ABCG2: variants seen among roughly 807,000 people sequenced by gnomAD.
ABCG2 encodes the protein ATP binding cassette subfamily G member 2 (JR blood group).
Under a neutral mutation model 73.5 loss-of-function variants are expected in ABCG2, and 80 were observed. The ratio of observed to expected loss-of-function variants is 1.09; its 90% CI spans 0.91 to 1.31. The LOEUF (loss-of-function observed/expected upper bound fraction) is 1.31, where lower values mean the gene tolerates loss of function less well. Ranked by LOEUF, ABCG2 falls within the 50% of genes most tolerant of loss-of-function variation. The pLI is 0.00. For missense variants in ABCG2, 796 were observed against 786.2 expected, an observed-to-expected ratio of 1.01 and a Z score of -0.15; for synonymous variants, 269 against 282.4, an observed-to-expected ratio of 0.95 and a Z score of 0.48.
intron 1 of ABCG2, among the ~76,000 whole-genome samples, chr4:88,193,136 C>T (rs988256208): frequency 5.9e-5 from 9 of 152,110 alleles, no homozygotes; most frequent in East Asian, 1.9e-4. Context: ...TGCCTTCTCA[C>T]GTACTATATA....
chr4:88,148,479 T>G (rs74430151), intron 1 of ABCG2, among the ~76,000 whole-genome samples: 7,260 of 152,156 alleles, frequency 0.048, 219 homozygotes, highest in Middle Eastern at 0.068. Flanking sequence ...GCAGCGTGCC[T>G]GATCAGGAGC....
At chr4:88,156,667 A>G (rs1329037808) in intron 1 of ABCG2, among the ~76,000 whole-genome samples, 2 of 152,024 alleles carry the variant, frequency 1.3e-5, no homozygotes, top group African/African-American at 2.4e-5. Flanking sequence ...AACCATTAGG[A>G]AAAAAAACCC....
rs1354460353 is a variant in ABCG2, at chr4:88,121,696, C to T, written c.628G>A (p.Asp210Asn). ...LITDPSILFL[D>N]EPTTGLDSST... ...GAGTCTAAGCCAGTTGTAGGCTCATCCAAGAACAAGATGGAAGGATCAGTG... is the reference window on the plus strand; with the variant it reads ...GAGTCTAAGCCAGTTGTAGGCTCATTCAAGAACAAGATGGAAGGATCAGTG... Residue 210 changes from aspartate to asparagine, a missense_variant, in exon 6 of 16, where the codon GAT (aspartate) becomes AAT (asparagine). Physicochemically the swap from Asp to Asn is conservative, Grantham distance 23. Coordinates refer to ENST00000237612, the MANE Select transcript of ABCG2 (RefSeq NM_004827.3). The T allele has an allele frequency of 2.5e-6, 4 of 1,613,982 alleles. No individual in the cohort carries two copies. The East Asian group carries it at 8.9e-5, about 36-fold the overall frequency.
intron 1 of ABCG2, among the ~76,000 whole-genome samples, chr4:88,202,028 A>G (rs983120375): frequency 2.0e-5 from 3 of 151,980 alleles, no homozygotes; most frequent in Non-Finnish European, 4.4e-5. Flanking sequence ...AAGCTCCCCA[A>G]GCAATTTAAA....
At chr4:88,157,709 T>C (rs1727042846) in intron 1 of ABCG2, among the ~76,000 whole-genome samples, 1 of 152,246 alleles carries the variant, frequency 6.6e-6, no homozygotes, top group African/African-American at 2.4e-5. Flanking sequence ...GTCAAAGCTG[T>C]ACTCTGAAAG....
intron 1 of ABCG2, among the ~76,000 whole-genome samples, chr4:88,216,755 C>T (rs1195489183): frequency 6.6e-6 from 1 of 152,116 alleles, no homozygotes; most frequent in Admixed American, 6.6e-5. Flanking sequence ...TGTGTCCAAG[C>T]GCAGTGGTTC....
At chr4:88,119,533 T>C (rs1263254601) in intron 6 of ABCG2, among the ~76,000 whole-genome samples, 1 of 152,212 alleles carries the variant, frequency 6.6e-6, no homozygotes, top group Non-Finnish European at 1.5e-5. Flanking sequence ...GACAGTGATA[T>C]GGACAATGAA....
chr4:88,200,220 TG>T (rs533720343), intron 1 of ABCG2, among the ~76,000 whole-genome samples: 1 of 151,894 alleles, frequency 6.6e-6, no homozygotes, highest in Non-Finnish European at 1.5e-5. Flanking sequence ...CCCAGCTACT[TG>T]GGGGGCTGAG....
intron 9 of ABCG2, among the ~76,000 whole-genome samples, chr4:88,113,080 C>T (rs375325620): frequency 2.5e-4 from 38 of 152,154 alleles, no homozygotes; most frequent in African/African-American, 9.2e-4. Context: ...CACCACACTC[C>T]AGCCTGGGCA....
At chr4:88,132,551 C>T in intron 3 of ABCG2, 25 bp downstream of exon 3, 1 of 1,613,178 alleles carries the variant, frequency 6.2e-7, no homozygotes. Context: ...ACAGAAAACG[C>T]TTACTTATAC....
chr4:88,172,561 G>C (rs7673953), intron 1 of ABCG2, among the ~76,000 whole-genome samples: 1 of 145,232 alleles, frequency 6.9e-6, no homozygotes, highest in Admixed American at 7.1e-5. Context: ...CTGGGAGACA[G>C]AGCAAGACTC....
rs1729758573 is a variant in ABCG2, at chr4:88,215,023, T to TTGAGGTTTC, written c.-20+15962_-20+15970dup. Among the ~76,000 whole-genome samples the TTGAGGTTTC allele has an allele frequency of 4.6e-5, 7 of 152,232 alleles. 1 individual carries two copies. In the South Asian group the frequency reaches 1.4e-3, roughly 32 times the overall value. ...AGGAGGATCACTTGAGCCCAGGACGTTGAGGTTTCAGTGAGCCATAATTAT... is the reference window on the plus strand; with the variant it reads ...AGGAGGATCACTTGAGCCCAGGACGTTGAGGTTTCTGAGGTTTCAGTGAGCCATAATTAT... On this transcript the variant is annotated intron_variant, in intron 1 of 15. Coordinates refer to the ABCG2 transcript ENST00000515655.
intron 9 of ABCG2, among the ~76,000 whole-genome samples, chr4:88,113,007 G>C (rs1723244431): frequency 6.6e-6 from 1 of 152,118 alleles, no homozygotes; most frequent in Non-Finnish European, 1.5e-5. Context: ...CTATTCAAGA[G>C]GCTGAGGTGT....
chr4:88,118,036 C>T lies in ABCG2; in HGVS notation c.841+73G>A, dbSNP rs1723711955. ...TCTACCCAAAGACCAAACAGCACTC[C>T]TGCAGACCCCCTTTGCTCTCCTTCA... is the stretch of plus-strand genomic sequence containing the variant. On this transcript the variant is annotated intron_variant, in intron 7 of 15. Coordinates refer to ENST00000237612, the MANE Select transcript of ABCG2 (RefSeq NM_004827.3). 4 of 1,480,642 alleles carry T rather than the reference C, an allele frequency of 2.7e-6. No homozygotes were observed. In the East Asian group the frequency reaches 7.0e-5, roughly 26 times the overall value. The allele number at this position is 1,480,642 out of a possible 1,614,324, so 91.7% of individuals were successfully genotyped here.
chr4:88,231,497 C>T (rs145725945), upstream of ABCG2, among the ~76,000 whole-genome samples: 1 of 152,170 alleles, frequency 6.6e-6, no homozygotes, highest in Admixed American at 6.5e-5. Context: ...CTTTGTGCCG[C>T]GGAATTCTGA....
At chr4:88,195,825 CA>C in intron 1 of ABCG2, among the ~76,000 whole-genome samples, 1 of 152,282 alleles carries the variant, frequency 6.6e-6, no homozygotes, top group East Asian at 1.9e-4. Context: ...GCCACATGCA[CA>C]GTGTGTTTAC....
intron 1 of ABCG2, among the ~76,000 whole-genome samples, chr4:88,203,068 A>C (rs1729243627): frequency 6.6e-6 from 1 of 150,678 alleles, no homozygotes; most frequent in African/African-American, 2.4e-5. Context: ...ATTATGCCAC[A>C]AATTATACTT....
chr4:88,187,370 T>C (rs1728508435), intron 1 of ABCG2, among the ~76,000 whole-genome samples: 1 of 152,076 alleles, frequency 6.6e-6, no homozygotes. Flanking sequence ...CCCAGCACTT[T>C]GGGAGGCCGA....
At chr4:88,101,391 C>T in intron 10 of ABCG2, 72 bp from the exon 11 acceptor site, 1 of 1,334,260 alleles carries the variant, frequency 7.5e-7, no homozygotes, top group South Asian at 1.2e-5. Context: ...ACCCACAAAA[C>T]TCTTTCCACA....
Sources: gnomAD v4.1 joint callset for allele counts (sites outside exome capture counted in the v4.1 genomes callset) on GRCh38, gnomAD v4.1.1 for gene constraint, MANE v1.5 for transcripts, NCBI Gene and HGNC (gene_info 2026-07-23, HGNC 2026-07-21) for gene names.